Variants in NTNG1 observed in about 807,000 individuals in gnomAD.
NTNG1 encodes the protein netrin-G1.
Under a neutral mutation model 54.0 loss-of-function variants are expected in NTNG1, and 16 were observed. The observed-to-expected ratio is 0.30, with a 90% CI of 0.20 to 0.45. The LOEUF is 0.45. NTNG1 is among the 20% of genes least tolerant of loss of function. The probability of loss-of-function intolerance (pLI) is 1.00; values close to 1 mark genes in which losing one functional copy is unlikely to be tolerated. For synonymous variants in NTNG1, 255 were observed against 263.1 expected (o/e 0.97, Z 0.30); for missense variants, 530 against 678.7 (o/e 0.78, Z 2.43).
chr1:107,450,346 A>G (rs998480268), intron 7 of NTNG1, among the ~76,000 whole-genome samples: 2 of 152,116 alleles, frequency 1.3e-5, no homozygotes, highest in African/African-American at 4.8e-5. Context: ...AAATGAAGAT[A>G]AGAATTGGAC....
chr1:107,170,550 G>T (rs539815387), intron 2 of NTNG1, among the ~76,000 whole-genome samples: 2 of 151,978 alleles, frequency 1.3e-5, no homozygotes, highest in African/African-American at 4.8e-5. Context: ...TTATTTAAAT[G>T]GCAGATTTAG....
At chr1:107,407,907 C>A (rs754320347) in intron 5 of NTNG1, 199 bp downstream of exon 5, 8 of 736,008 alleles carry the variant, frequency 1.1e-5, no homozygotes, top group Non-Finnish European at 1.8e-5. Flanking sequence ...TGCATAACTC[C>A]ATGAACATGG....
At chr1:107,411,511 C>A (rs1246855782) in intron 5 of NTNG1, among the ~76,000 whole-genome samples, 3 of 152,084 alleles carry the variant, frequency 2.0e-5, no homozygotes, top group Non-Finnish European at 4.4e-5. Flanking sequence ...AAGAAAATAA[C>A]AAGGTTAATC....
chr1:107,207,158 G>A (rs7541740), intron 2 of NTNG1, among the ~76,000 whole-genome samples: 7,374 of 152,192 alleles, frequency 0.048, 184 homozygotes, highest in African/African-American at 0.063. Context: ...TGTGGGTTTT[G>A]TTAAAGAAAT....
chr1:107,348,663 A>C lies in NTNG1; in HGVS notation c.887+23741A>C, dbSNP rs191749150. Among the ~76,000 whole-genome samples the C allele has an allele frequency of 3.5e-3, 526 of 152,254 alleles. 1 individual carries two copies. The highest frequency in any genetic ancestry group is 5.5e-3 in the Non-Finnish European group (373 of 68,030). ...ATGAACATTTTAGTAAATTAATTCA[A>C]ATAAACTGATTTCTGCTATGGTGTC... On this transcript the variant is annotated intron_variant, in intron 3 of 7. Coordinates refer to ENST00000370068, the MANE Select transcript of NTNG1 (RefSeq NM_001113226.3).
chr1:107,468,458 C>G (rs557887909), intron 7 of NTNG1, among the ~76,000 whole-genome samples: 2 of 152,230 alleles, frequency 1.3e-5, no homozygotes, highest in South Asian at 4.1e-4. Context: ...TATTTTCCTA[C>G]CTCCTAGCCA....
chr1:107,185,009 A>G (rs1203646435), intron 2 of NTNG1, among the ~76,000 whole-genome samples: 1 of 152,116 alleles, frequency 6.6e-6, no homozygotes. Context: ...CGTGTCTGGC[A>G]GTTGATGCTG....
At chr1:107,333,784 T>C (rs1424747144) in intron 3 of NTNG1, among the ~76,000 whole-genome samples, 2 of 151,774 alleles carry the variant, frequency 1.3e-5, no homozygotes, top group African/African-American at 2.4e-5. Flanking sequence ...AGTGAGACTG[T>C]CGTAGAGAAA....
At chr1:107,267,776 C>T (rs1663849334) in intron 2 of NTNG1, among the ~76,000 whole-genome samples, 1 of 152,210 alleles carries the variant, frequency 6.6e-6, no homozygotes, top group Admixed American at 6.5e-5. Flanking sequence ...AACTCCTAGA[C>T]TCCTTTCCTC....
chr1:107,271,653 A>G (rs1367371246), intron 2 of NTNG1, among the ~76,000 whole-genome samples: 1 of 152,158 alleles, frequency 6.6e-6, no homozygotes, highest in Non-Finnish European at 1.5e-5. Flanking sequence ...TTAAAAATAG[A>G]TATTAGAGGT....
intron 2 of NTNG1, among the ~76,000 whole-genome samples, chr1:107,268,483 CAT>C (rs536371485): frequency 0.1 from 8,102 of 78,558 alleles, 686 homozygotes; most frequent in African/African-American, 0.25. Flanking sequence ...TGTCTCTCAT[CAT>C]ATTTTTTTTT....
chr1:107,303,553 A>G (rs1477405904), intron 2 of NTNG1, among the ~76,000 whole-genome samples: 1 of 152,022 alleles, frequency 6.6e-6, no homozygotes, highest in Non-Finnish European at 1.5e-5. Context: ...TTTTCACTAC[A>G]TTTCTTTGCA....
At chr1:107,430,073 A>G (rs1374924179) in intron 5 of NTNG1, among the ~76,000 whole-genome samples, 5 of 152,204 alleles carry the variant, frequency 3.3e-5, no homozygotes, top group Non-Finnish European at 5.9e-5. Context: ...GAATCTTAAA[A>G]GCACCTTTTC....
In NTNG1 at chr1:107,386,526, A is replaced by T. The variant is rs183904822; in HGVS notation, c.888-8628A>T. 9.9e-5 allele frequency among the ~76,000 whole-genome samples: 15 copies of T among 152,274 alleles called. No homozygotes were observed. In the East Asian group the frequency reaches 2.9e-3, roughly 29 times the overall value. On this transcript the variant is annotated intron_variant, in intron 3 of 7. Transcript: ENST00000370068. ...TGTCTGACATTTTTCACATAGCACA[A>T]TGCTTCCAAGGTTAATTCATGCTGT...
intron 7 of NTNG1, among the ~76,000 whole-genome samples, chr1:107,462,863 T>C (rs1226622212): frequency 6.6e-6 from 1 of 152,230 alleles, no homozygotes; most frequent in East Asian, 1.9e-4. Flanking sequence ...GTGCCTGTTT[T>C]ATAGATGCAG....
At chr1:107,308,383 T>C (rs571036641) in intron 2 of NTNG1, among the ~76,000 whole-genome samples, 2 of 152,316 alleles carry the variant, frequency 1.3e-5, no homozygotes, top group South Asian at 2.1e-4. Context: ...TAGCCAGTTA[T>C]GCCAGCACAG....
At chr1:107,286,171 AT>A (rs569358738) in intron 2 of NTNG1, among the ~76,000 whole-genome samples, 46 of 152,288 alleles carry the variant, frequency 3.0e-4, no homozygotes, top group African/African-American at 9.4e-4. Flanking sequence ...TTCCGTAATT[AT>A]CCAGGTGCCA....
At chr1:107,470,862 C>T (rs1677933262) in intron 7 of NTNG1, among the ~76,000 whole-genome samples, 1 of 152,150 alleles carries the variant, frequency 6.6e-6, no homozygotes. Flanking sequence ...CAGCCTTCAG[C>T]TTGTAGGATT....
At chr1:107,245,093 C>T (rs1472210479) in intron 2 of NTNG1, among the ~76,000 whole-genome samples, 2 of 152,174 alleles carry the variant, frequency 1.3e-5, no homozygotes, top group Non-Finnish European at 2.9e-5. Context: ...TCATCTTTCA[C>T]ATCTATAGAG....
Sources: allele counts gnomAD v4.1 joint callset (sites outside exome capture counted in the v4.1 genomes callset), GRCh38; gene constraint gnomAD v4.1.1; transcripts MANE v1.5; gene names NCBI Gene and HGNC (gene_info 2026-07-23, HGNC 2026-07-21).